Variants in SNAP91 observed in about 807,000 individuals in gnomAD.
SNAP91 encodes the protein clathrin coat assembly protein AP180.
In SNAP91, 27 loss-of-function variants were observed where a neutral mutation model predicts 100.3. The observed-to-expected ratio is 0.27, with a 90% CI of 0.20 to 0.37. The LOEUF is 0.37. Ranked by LOEUF, SNAP91 falls within the 10% of genes least tolerant of loss-of-function variation. SNAP91 has a pLI of 1.00. For synonymous variants in SNAP91, 404 were observed against 398.6 expected (o/e 1.01, Z -0.16); for missense variants, 986 against 1,123.7 (o/e 0.88, Z 1.75).
In SNAP91 at chr6:83,688,830, T is replaced by C. The variant is rs146788803; in HGVS notation, c.130+18968A>G. 8.1e-3 allele frequency among the ~76,000 whole-genome samples: 1,230 copies of C among 152,238 alleles called. 14 individuals carry two copies. The highest frequency in any genetic ancestry group is 0.028 in the African/African-American group (1,146 of 41,538). On this transcript the variant is annotated intron_variant, in intron 2 of 29. Coordinates refer to ENST00000369694, the MANE Select transcript of SNAP91 (RefSeq NM_001242792.2). ...TTCAGGCAAAATTTGCCATTTCCAC[T>C]TCTGTGCTTTCAAAACATATCAGTC...
chr6:83,596,849 T>A (rs1460923024), intron 16 of SNAP91, among the ~76,000 whole-genome samples: 1 of 152,232 alleles, frequency 6.6e-6, no homozygotes, highest in Non-Finnish European at 1.5e-5. Context: ...CTGAGCTTTA[T>A]GTGTTTAGCC....
intron 4 of SNAP91, 59 bp downstream of exon 4, chr6:83,662,288 T>C (rs547189451): frequency 2.8e-5 from 18 of 638,728 alleles, no homozygotes; most frequent in Non-Finnish European, 4.0e-5. Flanking sequence ...TTTGGATTAA[T>C]AGCCTCACTT....
intron 2 of SNAP91, among the ~76,000 whole-genome samples, chr6:83,676,764 A>G (rs988587665): frequency 2.3e-4 from 35 of 152,180 alleles, no homozygotes; most frequent in African/African-American, 8.4e-4. Flanking sequence ...TGGTGGCTAT[A>G]TGGAGCAAAG....
chr6:83,625,370 G>C (rs1459641836), intron 8 of SNAP91, among the ~76,000 whole-genome samples: 1 of 151,894 alleles, frequency 6.6e-6, no homozygotes, highest in Non-Finnish European at 1.5e-5. Flanking sequence ...GTGTCTTTTT[G>C]GTAGAACAAT....
chr6:83,626,123 C>G (rs1188393554), intron 8 of SNAP91, among the ~76,000 whole-genome samples: 1 of 152,010 alleles, frequency 6.6e-6, no homozygotes, highest in Non-Finnish European at 1.5e-5. Flanking sequence ...GTCCTTTCCC[C>G]TTGTTATGCT....
intron 26 of SNAP91, among the ~76,000 whole-genome samples, chr6:83,562,447 C>T (rs976858327): frequency 2.0e-5 from 3 of 152,194 alleles, no homozygotes; most frequent in Non-Finnish European, 2.9e-5. Flanking sequence ...ATAGTTAACT[C>T]TTATAATTTA....
In SNAP91 at chr6:83,584,462, T is replaced by C. The variant is rs527499647; in HGVS notation, c.2015-2106A>G. Among the ~76,000 whole-genome samples the C allele has an allele frequency of 7.9e-5, 12 of 152,224 alleles. No individual in the cohort carries two copies. In the South Asian group the frequency reaches 1.7e-3, roughly 21 times the overall value. On this transcript the variant is annotated intron_variant, in intron 22 of 29. Coordinates refer to ENST00000369694, the MANE Select transcript of SNAP91 (RefSeq NM_001242792.2). ...ACTCTGCTTAGTGCTATTTCTACTT[T>C]ATGCTAAGATCACATCTATAGGTGA... is the stretch of plus-strand genomic sequence containing the variant.
At chr6:83,655,747 GCCT>G (rs1448523743) in intron 7 of SNAP91, among the ~76,000 whole-genome samples, 1 of 152,258 alleles carries the variant, frequency 6.6e-6, no homozygotes, top group African/African-American at 2.4e-5. Flanking sequence ...TAAGAGATAA[GCCT>G]CAAGCAGGTT....
At chr6:83,579,302 A>G (rs1003644678) in intron 24 of SNAP91, among the ~76,000 whole-genome samples, 5 of 152,334 alleles carry the variant, frequency 3.3e-5, no homozygotes. Flanking sequence ...AGCTGGAGGC[A>G]TAAGTCCTTT....
chr6:83,612,912 AT>A lies in SNAP91; in HGVS notation c.884+1944del, dbSNP rs67830113. Among the ~76,000 whole-genome samples, 149 of 150,346 alleles carry A rather than the reference AT, an allele frequency of 9.9e-4. 8 individuals carry two copies. The highest frequency in any genetic ancestry group is 2.6e-3 in the African/African-American group (108 of 40,964). On this transcript the variant is annotated intron_variant, in intron 11 of 29. Coordinates refer to ENST00000369694, the MANE Select transcript of SNAP91 (RefSeq NM_001242792.2). The stretch of plus-strand genomic sequence containing the variant: ...TCAGTCTCAAAAAAAAAAAAAAAAA[AT>A]ATCAACAGCTTTAGAAATACATTTC...
At chr6:83,558,175 G>A (rs1299621891) in intron 28 of SNAP91, among the ~76,000 whole-genome samples, 2 of 151,910 alleles carry the variant, frequency 1.3e-5, no homozygotes, top group Non-Finnish European at 2.9e-5. Context: ...GAAGCTTTCA[G>A]TATATCAAAC....
At chr6:83,564,251 C>T (rs1414476462) in intron 26 of SNAP91, among the ~76,000 whole-genome samples, 1 of 151,770 alleles carries the variant, frequency 6.6e-6, no homozygotes, top group Non-Finnish European at 1.5e-5. Flanking sequence ...CCCAATATGT[C>T]AGACGGTCAA....
At chr6:83,601,559 A>C (rs1314971934) in intron 15 of SNAP91, 26 bp downstream of exon 15, 1 of 1,613,328 alleles carries the variant, frequency 6.2e-7, no homozygotes, top group Non-Finnish European at 8.5e-7. Flanking sequence ...GTCAAAATGG[A>C]AGTTTAAAAA....
chr6:83,690,888 T>C (rs1041610486), intron 2 of SNAP91, among the ~76,000 whole-genome samples: 1 of 152,054 alleles, frequency 6.6e-6, no homozygotes, highest in Non-Finnish European at 1.5e-5. Context: ...AGATAAGATA[T>C]GCAAAATTTG....
intron 9 of SNAP91, among the ~76,000 whole-genome samples, chr6:83,617,412 G>A (rs2096542105): frequency 6.6e-6 from 1 of 151,860 alleles, no homozygotes; most frequent in East Asian, 1.9e-4. Context: ...AAAAATATGA[G>A]TGCCCAAATA....
At chr6:83,667,443 TTGAG>T (rs1408426814) in intron 2 of SNAP91, among the ~76,000 whole-genome samples, 23 of 152,190 alleles carry the variant, frequency 1.5e-4, no homozygotes, top group African/African-American at 5.5e-4. Context: ...TGGTCTTTTA[TTGAG>T]TAAGAAATTA....
At chr6:83,572,420 C>T (rs1213353246) in intron 26 of SNAP91, among the ~76,000 whole-genome samples, 3 of 149,184 alleles carry the variant, frequency 2.0e-5, no homozygotes, top group East Asian at 1.9e-4. Context: ...CAAAGTTTTG[C>T]ATTTTTTTTT....
rs1176675698 is a variant in SNAP91, at chr6:83,553,357, A to G, written c.*939T>C. ...AGAACACTAGTCTACAAAACACACA[A>G]AGAAACACTAAATTAACAGATGTAC... On this transcript the variant is annotated 3_prime_UTR_variant, in exon 30 of 30. Coordinates refer to ENST00000369694, the MANE Select transcript of SNAP91 (RefSeq NM_001242792.2). 6.6e-6 allele frequency: 1 copy of G among 152,264 alleles called. No individual in the cohort carries two copies. Among genetic ancestry groups the G allele is most frequent in the Non-Finnish European group, 1.5e-5 (1 of 68,030 alleles). The allele number at this position is 152,264 out of a possible 1,614,324, so 9.4% of individuals were successfully genotyped here. A position where few individuals can be genotyped will look rare whatever the true frequency, so the allele number is the denominator to read the frequency against.
chr6:83,578,675 T>C lies in SNAP91; in HGVS notation c.2299+1775A>G, dbSNP rs983777947. Among the ~76,000 whole-genome samples, 3 of 152,218 alleles carry C rather than the reference T, an allele frequency of 2.0e-5. No homozygotes were observed. In the East Asian group the frequency reaches 5.8e-4, roughly 29 times the overall value. ...TTTGCAAATATTTTCTCCCATTCTA[T>C]GGTTTGTCCTTTCACTTTCTTAATG... On this transcript the variant is annotated intron_variant, in intron 24 of 29. Coordinates refer to ENST00000369694, the MANE Select transcript of SNAP91 (RefSeq NM_001242792.2).
Sources: allele counts gnomAD v4.1 joint callset (sites outside exome capture counted in the v4.1 genomes callset), GRCh38; gene constraint gnomAD v4.1.1; transcripts MANE v1.5; gene names NCBI Gene and HGNC (gene_info 2026-07-23, HGNC 2026-07-21).